Variants in TRMT13 observed in about 807,000 individuals in gnomAD.
TRMT13 encodes tRNA methyltransferase 13, also known as tRNA:m(4)X modification enzyme TRM13 homolog.
A neutral mutation model predicts 55.9 loss-of-function variants in TRMT13; 45 were observed. The ratio of observed to expected loss-of-function variants is 0.80; its 90% CI spans 0.63 to 1.03. The LOEUF is 1.03. Ranked by LOEUF, TRMT13 falls within the 50% of genes least tolerant of loss-of-function variation. The probability of loss-of-function intolerance (pLI) is 0.00; values close to 1 mark genes in which losing one functional copy is unlikely to be tolerated. For missense variants in TRMT13, 513 were observed against 563.9 expected, an observed-to-expected ratio of 0.91 and a Z score of 0.91; for synonymous variants, 183 against 196.3, an observed-to-expected ratio of 0.93 and a Z score of 0.57.
intron 3 of TRMT13, among the ~76,000 whole-genome samples, 192 bp downstream of exon 3, chr1:100,137,277 C>T (rs188500385): frequency 5.4e-4 from 82 of 152,232 alleles, no homozygotes; most frequent in Middle Eastern, 3.4e-3. Context: ...CTCACTGCAG[C>T]CTTGAACTCC....
rs1570756055 is a variant in TRMT13 at position 100,149,255 on chromosome 1, A to T, written c.*435A>T. ...AAGGGCCAATCTGAGAATTTGACTT[A>T]TATGTGGACATTTTTCCCTACAGAT... On this transcript the variant is annotated 3_prime_UTR_variant, in exon 11 of 11. Coordinates refer to ENST00000370141, the MANE Select transcript of TRMT13 (RefSeq NM_019083.3). 3 of 1,513,240 alleles carry T rather than the reference A, an allele frequency of 2.0e-6. No homozygotes were observed. Among genetic ancestry groups the T allele is most frequent in the Middle Eastern group, 1.7e-4 (1 of 5,736 alleles). The allele number at this position is 1,513,240 out of a possible 1,614,324, so 93.7% of individuals were successfully genotyped here.
rs1557905946 is a variant in TRMT13, at chr1:100,137,025, AT to A, written c.202del (p.Tyr68MetfsTer5). The A allele has an allele frequency of 6.2e-7, 1 of 1,612,982 alleles. No homozygotes were observed. Among genetic ancestry groups the A allele is most frequent in the Admixed American group, 1.7e-5 (1 of 59,826 alleles). ...ATTTTCTCTTTAAATTTAGCACAGT[AT>A]ATGAAGATCAACTAGCAAAGCATTT... ...LCPLDPKHTV[Y>X]EDQLAKHLKK... On this transcript the variant is annotated frameshift_variant, in exon 3 of 11. Coordinates refer to ENST00000370141, the MANE Select transcript of TRMT13 (RefSeq NM_019083.3). LOFTEE classifies it high-confidence loss of function.
chr1:100,142,232 T>C (rs996152695), intron 7 of TRMT13, among the ~76,000 whole-genome samples: 1 of 152,094 alleles, frequency 6.6e-6, no homozygotes, highest in African/African-American at 2.4e-5. Flanking sequence ...TTTGCAGAAG[T>C]GACAGTTGAG....
rs577167943 is a variant in TRMT13, at chr1:100,133,529, A to G, written c.147+214A>G. Among the ~76,000 whole-genome samples, 7 of 152,298 alleles carry G rather than the reference A, an allele frequency of 4.6e-5. No homozygotes were observed. The East Asian group carries it at 1.4e-3, about 29-fold the overall frequency. ...TTATTTTTCTAAGTAAAGCGCCAGC[A>G]GTGACCCATTTATTTTGATCTATTT... On this transcript the variant is annotated intron_variant, in intron 1 of 10. Coordinates refer to ENST00000370141, the MANE Select transcript of TRMT13 (RefSeq NM_019083.3).
At position 100,150,489 on chromosome 1, in the gene TRMT13, A is replaced by G. The variant is rs1198072187; in HGVS notation, c.*1669A>G. ...TATGCCCAGAAATAAACAATATTCTACAACAGGCATAATCTCATTTATGTT... is the reference window on the plus strand; with the variant it reads ...TATGCCCAGAAATAAACAATATTCTGCAACAGGCATAATCTCATTTATGTT... On this transcript the variant is annotated 3_prime_UTR_variant, in exon 11 of 11. Coordinates refer to ENST00000370141, the MANE Select transcript of TRMT13 (RefSeq NM_019083.3). The G allele has an allele frequency of 1.3e-5, 2 of 152,204 alleles. No individual in the cohort carries two copies. The highest frequency in any genetic ancestry group is 2.9e-5 in the Non-Finnish European group (2 of 68,032). The allele number at this position is 152,204 out of a possible 1,614,324, so 9.4% of individuals were successfully genotyped here. A position where few individuals can be genotyped will look rare whatever the true frequency, so the allele number is the denominator to read the frequency against.
At position 100,133,278 on chromosome 1, in the gene TRMT13, G is replaced by A. The variant is rs1251175948; in HGVS notation, c.110G>A (p.Gly37Glu). The A allele has an allele frequency of 6.2e-7, 1 of 1,613,910 alleles. No individual in the cohort carries two copies. Among genetic ancestry groups the A allele is most frequent in the African/African-American group, 1.3e-5 (1 of 74,910 alleles). Residue 37 changes from glycine to glutamate, a missense_variant, in exon 1 of 11, where the codon GGG (glycine) becomes GAG (glutamate). Physicochemically the swap from Gly to Glu is moderately conservative, Grantham distance 98 (BLOSUM62 -2). Coordinates refer to ENST00000370141, the MANE Select transcript of TRMT13 (RefSeq NM_019083.3). Reference sequence around the variant, plus strand: ...TTCTGCAGGATGGTGGTGGCCGCAGGGAAAAGATTTTGTGGTGAACACGCT... The same window carrying A: ...TTCTGCAGGATGGTGGTGGCCGCAGAGAAAAGATTTTGTGGTGAACACGCT... ...KRFCRMVVAAGKRFCGEHAGA... is the reference protein window; with the variant it reads ...KRFCRMVVAAEKRFCGEHAGA...
rs765070352 is a variant in TRMT13, at chr1:100,149,092, G to C, written c.*272G>C. On this transcript the variant is annotated 3_prime_UTR_variant, in exon 11 of 11. Transcript: ENST00000370141. ...GGTAAAGTAGTTGAACCGTTGACTT[G>C]GTGATCTGAAACATACATAACATGT... The C allele has an allele frequency of 1.9e-5, 31 of 1,601,300 alleles. No homozygotes were observed. The highest frequency in any genetic ancestry group is 1.7e-4 in the Middle Eastern group (1 of 6,024).
chr1:100,147,108 A>G (rs1439954017), intron 9 of TRMT13, among the ~76,000 whole-genome samples: 1 of 152,196 alleles, frequency 6.6e-6, no homozygotes, highest in African/African-American at 2.4e-5. Flanking sequence ...TTAAGAAGAT[A>G]TGGGTCCTAC....
intron 1 of TRMT13, among the ~76,000 whole-genome samples, chr1:100,136,388 C>T (rs779341371): frequency 7.2e-5 from 11 of 152,072 alleles, no homozygotes; most frequent in Admixed American, 3.9e-4. Flanking sequence ...AGCCATTCCA[C>T]AATGTATACA....
chr1:100,133,709 A>C (rs979098288), intron 1 of TRMT13, among the ~76,000 whole-genome samples: 1 of 152,168 alleles, frequency 6.6e-6, no homozygotes, highest in Non-Finnish European at 1.5e-5. Flanking sequence ...ATGAAAGAGA[A>C]GCACTTCTCG....
chr1:100,138,113 C>A (rs191223893), intron 3 of TRMT13, among the ~76,000 whole-genome samples: 1 of 152,034 alleles, frequency 6.6e-6, no homozygotes, highest in Non-Finnish European at 1.5e-5. Context: ...TGGAGAAAAG[C>A]GGTGGAATGA....
At position 100,148,698 on chromosome 1, in the gene TRMT13, T is replaced by C. The variant is rs1657621354; in HGVS notation, c.1324T>C (p.Tyr442His). The change falls in exon 11 of 11, where the codon TAT (tyrosine) becomes CAT (histidine). Residue 442 changes from tyrosine (Y) to histidine (H), a missense_variant. By Grantham distance (83) the Tyr-to-His change is moderately conservative. Transcript: ENST00000370141. ...GCTGATTGACCAAGGTCGAATCCAG[T>C]ATTTGCAGCAGAAGGGATTCAGTCC... is the stretch of plus-strand genomic sequence containing the variant. ...KLLIDQGRIQ[Y>H]LQQKGFSPAL... is the part of the protein sequence containing the mutation. 6.2e-7 allele frequency: 1 copy of C among 1,613,282 alleles called. No homozygotes were observed. Among genetic ancestry groups the C allele is most frequent in the Non-Finnish European group, 8.5e-7 (1 of 1,179,790 alleles).
chr1:100,134,064 A>T (rs1655448672), intron 1 of TRMT13, among the ~76,000 whole-genome samples: 2 of 151,402 alleles, frequency 1.3e-5, no homozygotes, highest in African/African-American at 4.9e-5. Flanking sequence ...AGCCAGACTG[A>T]ATCTCAAAAA....
rs74638880 is a variant in TRMT13 at position 100,140,797 on chromosome 1, A to G, written c.502-55A>G. On this transcript the variant is annotated intron_variant, in intron 6 of 10. Transcript: ENST00000370141. ...GCAGAAATTACCTTGCTGTTTTCCC[A>G]TTTGAACCAAATGTGTTTACTCTAG... 3,107 of 1,524,206 alleles carry G rather than the reference A, an allele frequency of 2.0e-3. 57 individuals carry two copies. The African/African-American group carries it at 0.039, about 19-fold the overall frequency. The allele number at this position is 1,524,206 out of a possible 1,614,324, so 94.4% of individuals were successfully genotyped here. A position where few individuals can be genotyped will look rare whatever the true frequency, so the allele number is the denominator to read the frequency against.
In TRMT13 at chr1:100,140,162, A is replaced by G. The variant is rs1656412191; in HGVS notation, c.325-20A>G. On this transcript the variant is annotated intron_variant, in intron 4 of 10. Transcript: ENST00000370141. ...AAAGCAATTTTTGGCTACATTATTT[A>G]GTTTTATTTTTGTATATAGGTTCCA... 2.6e-6 allele frequency: 4 copies of G among 1,564,282 alleles called. No homozygotes were observed. The highest frequency in any genetic ancestry group is 3.5e-6 in the Non-Finnish European group (4 of 1,143,412).
rs1303224477 is a variant in TRMT13, at chr1:100,133,196, G to A, written c.28G>A (p.Ala10Thr). 6.2e-7 allele frequency: 1 copy of A among 1,614,198 alleles called. No homozygotes were observed. Residue 10 changes from alanine (A) to threonine (T), a missense_variant, in exon 1 of 11, where the codon GCG becomes ACG. Physicochemically the swap from Ala to Thr is moderately conservative, Grantham distance 58. Transcript: ENST00000370141. MATSATSPHAPGFPAEGRCG... is the reference protein window; with the variant it reads MATSATSPHTPGFPAEGRCG... ...GGCGACCTCCGCGACGTCGCCGCAC[G>A]CGCCTGGTTTTCCAGCTGAGGGTAG...
chr1:100,144,593 G>A (rs1003810524), intron 9 of TRMT13: 1 of 153,850 alleles, frequency 6.5e-6, no homozygotes, highest in African/African-American at 2.4e-5. Flanking sequence ...AAGATGTCTT[G>A]TCTTAGCACT....
chr1:100,141,236 T>G (rs1302377937), intron 7 of TRMT13, among the ~76,000 whole-genome samples: 1 of 152,184 alleles, frequency 6.6e-6, no homozygotes, highest in Admixed American at 6.5e-5. Context: ...ATTCTTAAAA[T>G]TATTTGCAGA....
At chr1:100,147,592 A>G (rs572671994) in intron 9 of TRMT13, among the ~76,000 whole-genome samples, 100 of 152,338 alleles carry the variant, frequency 6.6e-4, no homozygotes, top group Middle Eastern at 3.4e-3. Context: ...TAAGGTAGGA[A>G]AAGTGAGAGA....
Sources: gnomAD v4.1 joint callset for allele counts (sites outside exome capture counted in the v4.1 genomes callset) on GRCh38, gnomAD v4.1.1 for gene constraint, MANE v1.5 for transcripts, NCBI Gene and HGNC (gene_info 2026-07-23, HGNC 2026-07-21) for gene names.